KIF26B: variants seen among roughly 807,000 people sequenced by gnomAD.
The protein encoded by KIF26B is kinesin-like protein KIF26B.
In KIF26B, 63 loss-of-function variants were observed where a neutral mutation model predicts 151.2. The ratio of observed to expected loss-of-function variants is 0.42; its 90% CI spans 0.34 to 0.51. The LOEUF (loss-of-function observed/expected upper bound fraction) is 0.51, where lower values mean the gene tolerates loss of function less well. Among genes scored for constraint, KIF26B ranks in the 20% least tolerant of loss-of-function variants. The pLI, the probability that KIF26B is intolerant of heterozygous loss-of-function variation, is 0.07. For missense variants in KIF26B, 2,813 were observed against 2,913.6 expected, an observed-to-expected ratio of 0.97 and a Z score of 0.79; for synonymous variants, 1,357 against 1,262.1, an observed-to-expected ratio of 1.08 and a Z score of -1.59.
At chr1:245,624,933 T>C (rs2043707517) in intron 9 of KIF26B, among the ~76,000 whole-genome samples, 2 of 152,198 alleles carry the variant, frequency 1.3e-5, no homozygotes, top group Admixed American at 1.3e-4. Flanking sequence ...TGGACTCAAG[T>C]AGTTTTTTTC....
At chr1:245,434,918 A>G (rs1658866799) in intron 4 of KIF26B, among the ~76,000 whole-genome samples, 1 of 152,024 alleles carries the variant, frequency 6.6e-6, no homozygotes, top group South Asian at 2.1e-4. Context: ...TCATCCTTGT[A>G]CAAGGATATG....
Position 245,686,956 on chromosome 1 carries a change from AC to A in KIF26B, c.3975del (p.Ala1326LeufsTer40). 6.2e-7 allele frequency: 1 copy of A among 1,613,444 alleles called. No homozygotes were observed. The highest frequency in any genetic ancestry group is 8.5e-7 in the Non-Finnish European group (1 of 1,179,794). ...ASEFVSSLQNTAVVCREKPKA... is the reference protein window; with the variant it reads ...ASEFVSSLQNXAVVCREKPKA... ...GGAGTTTGTCAGCAGCCTCCAGAAC[AC>A]CGCTGTGGTGTGCAGAGAGAAGCCC... On this transcript the variant is annotated frameshift_variant, in exon 12 of 15. Coordinates refer to ENST00000407071, the MANE Select transcript of KIF26B (RefSeq NM_018012.4). LOFTEE classifies it high-confidence loss of function. The surrounding 1 kb of genome is among the most constrained non-coding windows in gnomAD (Gnocchi z 5.6).
intron 2 of KIF26B, among the ~76,000 whole-genome samples, chr1:245,181,612 G>A (rs757715372): frequency 4.6e-5 from 7 of 151,924 alleles, no homozygotes; most frequent in Non-Finnish European, 8.8e-5. Context: ...AAGGACCTGC[G>A]GTGTGTGTGT....
chr1:245,351,322 T>C (rs1266009241), intron 2 of KIF26B, among the ~76,000 whole-genome samples: 2 of 152,334 alleles, frequency 1.3e-5, no homozygotes, highest in East Asian at 1.9e-4. Context: ...AGTTGCAAAC[T>C]GGGAAGTGCA....
chr1:245,604,838 G>A (rs995105054), intron 6 of KIF26B, among the ~76,000 whole-genome samples: 1 of 152,166 alleles, frequency 6.6e-6, no homozygotes, highest in Non-Finnish European at 1.5e-5. Flanking sequence ...CAGTTTTCAA[G>A]ACATTTCGTA....
intron 5 of KIF26B, among the ~76,000 whole-genome samples, chr1:245,547,058 T>A (rs1661759445): frequency 6.6e-6 from 1 of 152,256 alleles, no homozygotes; most frequent in Non-Finnish European, 1.5e-5. Context: ...ACATGCGCAG[T>A]ATGCTGCTAG....
chr1:245,312,784 C>T (rs1671688064), intron 2 of KIF26B, among the ~76,000 whole-genome samples: 1 of 152,162 alleles, frequency 6.6e-6, no homozygotes, highest in Non-Finnish European at 1.5e-5. Context: ...TCTACCTCAC[C>T]AGCTGTCTCA....
Position 245,328,739 on chromosome 1 carries a change from C to A in KIF26B, c.466-38095C>A, listed in dbSNP as rs564285156. 2.0e-5 allele frequency among the ~76,000 whole-genome samples: 3 copies of A among 152,320 alleles called. No individual in the cohort carries two copies. In the South Asian group the frequency reaches 6.2e-4, roughly 32 times the overall value. On this transcript the variant is annotated intron_variant, in intron 2 of 14. Transcript: ENST00000407071. ...CGCCCTCCTGGTCACAACGCCTGGT[C>A]TCCACACTGGCAGGGCTGTTCTTTT... is the stretch of plus-strand genomic sequence containing the variant.
rs528870767 is a variant in KIF26B at position 245,166,187 on chromosome 1, G to C, written c.465+9504G>C. 6.6e-6 allele frequency among the ~76,000 whole-genome samples: 1 copy of C among 152,094 alleles called. No individual in the cohort carries two copies. The highest frequency in any genetic ancestry group is 1.5e-5 in the Non-Finnish European group (1 of 67,990). On this transcript the variant is annotated intron_variant, in intron 2 of 14. Coordinates refer to ENST00000407071, the MANE Select transcript of KIF26B (RefSeq NM_018012.4). The surrounding 1 kb of genome is among the most constrained non-coding windows in gnomAD (Gnocchi z 4.5). ...AATTGTGAGATGCTAGTCAACCATC[G>C]CTTTCTGTTATTATTCCAGTGACTT...
In KIF26B at chr1:245,687,778, C is replaced by G; in HGVS notation, c.4795C>G (p.Pro1599Ala). ...LARPKGTPPL[P>A]PVRKSSLDQK... is the part of the protein sequence containing the mutation. ...TCGGCCCAAAGGGACTCCCCCTCTG[C>G]CCCCTGTCCGAAAGTCCAGCCTGGA... The change falls in exon 12 of 15, where the codon CCC becomes GCC. Residue 1599 changes from proline (P) to alanine (A), a missense_variant. Coordinates refer to ENST00000407071, the MANE Select transcript of KIF26B (RefSeq NM_018012.4). The surrounding 1 kb of genome is among the most constrained non-coding windows in gnomAD (Gnocchi z 4.9). The G allele has an allele frequency of 1.9e-6, 3 of 1,584,210 alleles. No individual in the cohort carries two copies. The highest frequency in any genetic ancestry group is 2.6e-6 in the Non-Finnish European group (3 of 1,165,894).
At chr1:245,464,928 C>G (rs1228037396) in intron 4 of KIF26B, among the ~76,000 whole-genome samples, 1 of 151,982 alleles carries the variant, frequency 6.6e-6, no homozygotes, top group African/African-American at 2.4e-5. Flanking sequence ...CACGTGGACA[C>G]TGCTGCAGGC....
intron 2 of KIF26B, among the ~76,000 whole-genome samples, chr1:245,205,814 C>T: frequency 6.6e-6 from 1 of 151,368 alleles, no homozygotes; most frequent in Non-Finnish European, 1.5e-5. Context: ...CTCAAGTGAC[C>T]CTCCTGACTC....
chr1:245,356,509 A>G (rs1466205411), intron 2 of KIF26B, among the ~76,000 whole-genome samples: 5 of 152,126 alleles, frequency 3.3e-5, no homozygotes, highest in Non-Finnish European at 7.3e-5. Context: ...GTGAGCCGAG[A>G]TTGCACCATT....
rs537753860 is a variant in KIF26B at position 245,203,246 on chromosome 1, C to T, written c.465+46563C>T. On this transcript the variant is annotated intron_variant, in intron 2 of 14. Coordinates refer to ENST00000407071, the MANE Select transcript of KIF26B (RefSeq NM_018012.4). ...TGGGTGACAGAGCGCGACTCTGTCT[C>T]AAAAAAAAAAAAAGAAAATGAGTTA... Among the ~76,000 whole-genome samples, 3 of 29,572 alleles carry T rather than the reference C, an allele frequency of 1.0e-4. No individual in the cohort carries two copies. In the East Asian group the frequency reaches 2.9e-3, roughly 29 times the overall value. 19.4% of individuals were successfully genotyped at this position (29,572 alleles called of 152,430 possible). A position where few individuals can be genotyped will look rare whatever the true frequency, so the allele number is the denominator to read the frequency against.
intron 9 of KIF26B, among the ~76,000 whole-genome samples, chr1:245,633,052 T>C (rs911036232): frequency 1.3e-5 from 2 of 152,232 alleles, no homozygotes; most frequent in Non-Finnish European, 2.9e-5. Context: ...ACAATTGTTA[T>C]AGTCTCCTGC....
chr1:245,463,016 A>T (rs888273021), intron 4 of KIF26B, among the ~76,000 whole-genome samples: 1 of 152,184 alleles, frequency 6.6e-6, no homozygotes, highest in African/African-American at 2.4e-5. Context: ...AGTGGATAGC[A>T]CACAGTATGA....
intron 2 of KIF26B, among the ~76,000 whole-genome samples, chr1:245,295,368 G>A (rs376883210): frequency 3.3e-5 from 5 of 152,162 alleles, no homozygotes; most frequent in East Asian, 1.9e-4. Context: ...TGATACAGAC[G>A]CAGGCTTAGA....
Position 245,540,549 on chromosome 1 carries a change from T to C in KIF26B, c.1167-218T>C, listed in dbSNP as rs1236631905. The C allele has an allele frequency of 4.3e-6, 3 of 702,146 alleles. No individual in the cohort carries two copies. The highest frequency in any genetic ancestry group is 7.8e-6 in the Non-Finnish European group (3 of 383,606). 43.5% of individuals were successfully genotyped at this position (702,146 alleles called of 1,614,324 possible). Reference sequence around the variant, plus strand: ...TCGTGATTGCAGAATCCTGCTATTTTATGGCTTTGTTTTTCCTTTTGTCGT... The same window carrying C: ...TCGTGATTGCAGAATCCTGCTATTTCATGGCTTTGTTTTTCCTTTTGTCGT... On this transcript the variant is annotated intron_variant, in intron 4 of 14. Coordinates refer to ENST00000407071, the MANE Select transcript of KIF26B (RefSeq NM_018012.4). This position sits in a 1 kb window ranked among gnomAD's most constrained non-coding sequence, Gnocchi z 4.6.
At chr1:245,646,351 T>G in intron 10 of KIF26B, 71 bp downstream of exon 10, 1 of 1,500,822 alleles carries the variant, frequency 6.7e-7, no homozygotes, top group East Asian at 2.4e-5. Flanking sequence ...CAGTGCCATC[T>G]GTGGAGAGGT....
Sources: allele counts gnomAD v4.1 joint callset (sites outside exome capture counted in the v4.1 genomes callset), GRCh38; gene constraint gnomAD v4.1.1; non-coding constraint Gnocchi (gnomAD v3.1); transcripts MANE v1.5; gene names NCBI Gene and HGNC (gene_info 2026-07-23, HGNC 2026-07-21).